TAB2: variants seen among roughly 807,000 people sequenced by gnomAD.
The protein encoded by TAB2 is TGF-beta activated kinase 1 (MAP3K7) binding protein 2, also known as TGF-beta-activated kinase 1 and MAP3K7-binding protein 2.
A neutral mutation model predicts 65.0 loss-of-function variants in TAB2; 3 were observed. The observed-to-expected ratio is 0.05, with a 90% CI of 0.02 to 0.12. The LOEUF (loss-of-function observed/expected upper bound fraction) is 0.12. TAB2 is among the 10% of genes least tolerant of loss of function. TAB2 has a pLI of 1.00. For missense variants in TAB2, 623 were observed against 840.3 expected (o/e 0.74, Z 3.20); for synonymous variants, 298 against 285.1 (o/e 1.05, Z -0.46).
chr6:149,278,415 T>C (rs962185926), intron 1 of TAB2, among the ~76,000 whole-genome samples: 2 of 152,170 alleles, frequency 1.3e-5, no homozygotes. Context: ...ATAAAACAAC[T>C]GTATATGTAA....
intron 1 of TAB2, among the ~76,000 whole-genome samples, chr6:149,362,552 T>A (rs186437014): frequency 6.6e-6 from 1 of 152,350 alleles, no homozygotes; most frequent in Non-Finnish European, 1.5e-5. Context: ...GGGATCACAG[T>A]TCAGAATGAG....
chr6:149,378,221 T>C lies in TAB2; in HGVS notation c.306T>C (p.Thr102=), dbSNP rs1321255170. The C allele has an allele frequency of 2.5e-6, 4 of 1,614,074 alleles. No homozygotes were observed. The highest frequency in any genetic ancestry group is 3.4e-6 in the Non-Finnish European group (4 of 1,179,906). Residue 102 remains threonine, a synonymous_variant, in exon 3 of 7, where the codon ACT becomes ACC. Transcript: ENST00000637181. The part of the protein sequence containing the change: ...REGSRMNGSR[T]LTHSISDGQL... ...GAAGTAGGATGAATGGAAGTAGGACTCTAACGCACAGCATTAGTGATGGAC... is the reference window on the plus strand; with the variant it reads ...GAAGTAGGATGAATGGAAGTAGGACCCTAACGCACAGCATTAGTGATGGAC...
intron 1 of TAB2, among the ~76,000 whole-genome samples, chr6:149,259,122 T>C (rs1451191423): frequency 2.6e-5 from 4 of 152,326 alleles, no homozygotes; most frequent in African/African-American, 9.6e-5. Context: ...CTTCCAGAAC[T>C]GTGGGATAAT....
At chr6:149,400,060 CAGTTGTCAAAT>C (rs1184499979) in intron 6 of TAB2, among the ~76,000 whole-genome samples, 1 of 152,192 alleles carries the variant, frequency 6.6e-6, no homozygotes, top group Non-Finnish European at 1.5e-5. Flanking sequence ...AGGAGCAAAA[CAGTTGTCAAAT>C]AGACAGGAAG....
At chr6:149,338,827 G>C (rs1780011950) in intron 1 of TAB2, among the ~76,000 whole-genome samples, 1 of 152,190 alleles carries the variant, frequency 6.6e-6, no homozygotes, top group South Asian at 2.1e-4. Context: ...CAGAATAAAA[G>C]GGGTAGAGTG....
Position 149,336,174 on chromosome 6 carries a change from G to A in TAB2, c.-90+18159G>A, listed in dbSNP as rs1326461367. Among the ~76,000 whole-genome samples, 9 of 152,274 alleles carry A rather than the reference G, an allele frequency of 5.9e-5. No individual in the cohort carries two copies. In the South Asian group the frequency reaches 1.9e-3, roughly 32 times the overall value. On this transcript the variant is annotated intron_variant, in intron 1 of 6. Transcript: ENST00000637181. ...GCACGTAGTAGTGCTTAACCAATAT[G>A]TTTGGAATGAATCATTGTCTTGTGC...
chr6:149,345,604 T>C (rs1277823695), intron 1 of TAB2, among the ~76,000 whole-genome samples: 1 of 152,200 alleles, frequency 6.6e-6, no homozygotes, highest in East Asian at 1.9e-4. Flanking sequence ...TTGGAATACC[T>C]TCCATCCATG....
intron 1 of TAB2, among the ~76,000 whole-genome samples, chr6:149,277,521 A>G (rs888855960): frequency 5.9e-5 from 9 of 152,194 alleles, no homozygotes; most frequent in Non-Finnish European, 1.3e-4. Flanking sequence ...CAAACCAAAT[A>G]TTAACACCAG....
intron 1 of TAB2, among the ~76,000 whole-genome samples, chr6:149,268,898 C>A (rs1406370337): frequency 6.6e-6 from 1 of 152,158 alleles, no homozygotes; most frequent in Non-Finnish European, 1.5e-5. Flanking sequence ...ATGAGTCGAT[C>A]TTTTTCATAT....
At chr6:149,277,188 A>T (rs776336989) in intron 1 of TAB2, among the ~76,000 whole-genome samples, 14 of 152,238 alleles carry the variant, frequency 9.2e-5, no homozygotes, top group Admixed American at 5.9e-4. Context: ...TGTCTTTATC[A>T]GCAGCATGAA....
At chr6:149,227,442 G>C (rs540304083) in intron 1 of TAB2, among the ~76,000 whole-genome samples, 1 of 152,072 alleles carries the variant, frequency 6.6e-6, no homozygotes, top group Non-Finnish European at 1.5e-5. Context: ...CACTTGATAC[G>C]GGCTGCAAGA....
intron 1 of TAB2, among the ~76,000 whole-genome samples, chr6:149,258,192 G>A (rs1323868815): frequency 6.6e-6 from 1 of 152,126 alleles, no homozygotes; most frequent in Non-Finnish European, 1.5e-5. Flanking sequence ...ACCGAAGGCA[G>A]TGAGTCTCTA....
chr6:149,403,271 TATATATATATATACACACAC>T (rs1272236517), intron 6 of TAB2, among the ~76,000 whole-genome samples: 1,091 of 95,330 alleles, frequency 0.011, 58 homozygotes, highest in African/African-American at 0.035. Context: ...TATATATATA[TATATATATATATACACACAC>T]ACACATATAT....
intron 1 of TAB2, among the ~76,000 whole-genome samples, chr6:149,283,621 A>C (rs940440310): frequency 3.9e-5 from 6 of 152,258 alleles, no homozygotes; most frequent in Non-Finnish European, 8.8e-5. Flanking sequence ...GAGGCAGGAG[A>C]ATCACTTGAA....
At chr6:149,270,259 A>C (rs1420600187) in intron 1 of TAB2, among the ~76,000 whole-genome samples, 2 of 152,062 alleles carry the variant, frequency 1.3e-5, no homozygotes, top group African/African-American at 4.8e-5. Flanking sequence ...ATGTTGGTTG[A>C]ATTCTTCTGC....
At chr6:149,369,835 C>T in intron 1 of TAB2, 74 bp from the exon 2 acceptor site, 1 of 647,468 alleles carries the variant, frequency 1.5e-6, no homozygotes, top group Non-Finnish European at 2.7e-6. Flanking sequence ...TTCTTTTGTA[C>T]TGAAATTTTA....
chr6:149,298,737 A>T (rs911831637), intron 1 of TAB2, among the ~76,000 whole-genome samples: 3 of 152,236 alleles, frequency 2.0e-5, no homozygotes, highest in African/African-American at 7.2e-5. Context: ...TCTAACAAAG[A>T]ATTAGAATGT....
In TAB2 at chr6:149,385,388, G is replaced by T. The variant is rs372506299; in HGVS notation, c.1603+5870G>T. On this transcript the variant is annotated intron_variant, in intron 3 of 6. Coordinates refer to ENST00000637181, the MANE Select transcript of TAB2 (RefSeq NM_001292034.3). Reference sequence around the variant, plus strand: ...TCACTTTATTAAATAAAAGCCTACTGCAGTAGCACATGCCTGTAGTTCGAG... The same window carrying T: ...TCACTTTATTAAATAAAAGCCTACTTCAGTAGCACATGCCTGTAGTTCGAG... Among the ~76,000 whole-genome samples the T allele has an allele frequency of 4.9e-4, 75 of 152,288 alleles. No individual in the cohort carries two copies. In the South Asian group the frequency reaches 0.011, roughly 22 times the overall value.
intron 1 of TAB2, among the ~76,000 whole-genome samples, chr6:149,280,490 A>G (rs1293586879): frequency 2.6e-5 from 4 of 152,202 alleles, no homozygotes; most frequent in Non-Finnish European, 5.9e-5. Flanking sequence ...CTCAAATAGA[A>G]TAACGCTGAG....
Sources: gnomAD v4.1 joint callset for allele counts (sites outside exome capture counted in the v4.1 genomes callset) on GRCh38, gnomAD v4.1.1 for gene constraint, MANE v1.5 for transcripts, NCBI Gene and HGNC (gene_info 2026-07-23, HGNC 2026-07-21) for gene names.